The following PTPRT variants were observed in gnomAD, a reference collection of about 807,000 sequenced individuals.
PTPRT encodes protein tyrosine phosphatase receptor type T.
PTPRT carries 56 observed loss-of-function variants against 176.8 expected under a neutral mutation model. The observed-to-expected ratio is 0.32, with a 90% CI of 0.26 to 0.40. PTPRT has a LOEUF of 0.40. Ranked by LOEUF, PTPRT falls within the 10% of genes least tolerant of loss-of-function variation. The probability of loss-of-function intolerance (pLI) is 1.00; values close to 1 mark genes in which losing one functional copy is unlikely to be tolerated. For missense variants in PTPRT, 1,540 were observed against 1,908.2 expected (o/e 0.81, Z 3.60); for synonymous variants, 783 against 739.0 (o/e 1.06, Z -0.96).
intron 15 of PTPRT, among the ~76,000 whole-genome samples, chr20:42,213,564 G>A (rs891836145): frequency 1.3e-5 from 2 of 152,158 alleles, no homozygotes; most frequent in South Asian, 4.2e-4. Flanking sequence ...TTGGAAATAG[G>A]GTCTTTGCAG....
chr20:42,646,051 A>C (rs185832125), intron 7 of PTPRT, among the ~76,000 whole-genome samples: 12 of 152,024 alleles, frequency 7.9e-5, no homozygotes, highest in South Asian at 6.2e-4. Context: ...ACTGTAGTGT[A>C]CCTCCTAGAT....
At chr20:42,348,370 TTTTA>T (rs145685236) in intron 11 of PTPRT, among the ~76,000 whole-genome samples, 1,795 of 146,600 alleles carry the variant, frequency 0.012, 27 homozygotes, top group African/African-American at 0.037. Flanking sequence ...GTGACATTTC[TTTTA>T]TTTATTTATT....
chr20:42,385,616 G>A (rs1436122520), intron 9 of PTPRT, among the ~76,000 whole-genome samples: 1 of 152,146 alleles, frequency 6.6e-6, no homozygotes, highest in Non-Finnish European at 1.5e-5. Flanking sequence ...CCTGAGACTT[G>A]GTTATTTATA....
intron 2 of PTPRT, among the ~76,000 whole-genome samples, chr20:42,835,546 G>A (rs888728471): frequency 6.6e-6 from 1 of 152,222 alleles, no homozygotes; most frequent in East Asian, 1.9e-4. Flanking sequence ...GGTTGCCTCA[G>A]GGGGGCAGAG....
rs374219148 is a variant in PTPRT at position 43,020,060 on chromosome 20, C to T, written c.89-134128G>A. On this transcript the variant is annotated intron_variant, in intron 1 of 30. Coordinates refer to ENST00000373187, the MANE Select transcript of PTPRT (RefSeq NM_007050.6). ...ATTCCCCTAACAAATCCCCTCTCCT[C>T]TCCCTCTCTTTCTATATATATGTGA... is the stretch of plus-strand genomic sequence containing the variant. 6.4e-3 allele frequency among the ~76,000 whole-genome samples: 963 copies of T among 150,700 alleles called. 7 individuals are homozygous for T. Among genetic ancestry groups the T allele is most frequent in the African/African-American group, 0.023 (933 of 40,884 alleles).
At chr20:43,057,304 GGAAT>G (rs1333144616) in intron 1 of PTPRT, among the ~76,000 whole-genome samples, 1 of 86,234 alleles carries the variant, frequency 1.2e-5, no homozygotes, top group Non-Finnish European at 2.4e-5. Context: ...GAGGGGGGAA[GGAAT>G]GGAGGAGGAG....
chr20:42,145,497 C>CATAGATAGATAGATAGATAG lies in PTPRT; in HGVS notation c.2683-3515_2683-3496dup, dbSNP rs59838948. 9.6e-4 allele frequency among the ~76,000 whole-genome samples: 139 copies of CATAGATAGATAGATAGATAG among 144,560 alleles called. 2 individuals are homozygous for CATAGATAGATAGATAGATAG. Among genetic ancestry groups the CATAGATAGATAGATAGATAG allele is most frequent in the South Asian group, 1.9e-3 (8 of 4,292 alleles). The allele number at this position is 144,560 out of a possible 152,430, so 94.8% of individuals were successfully genotyped here. ...CCTGGGTGACAGTGAGACTTTGTCT[C>CATAGATAGATAGATAGATAG]ATAGATAGATAGATAGATAGATAGA... On this transcript the variant is annotated intron_variant, in intron 17 of 30. Transcript: ENST00000373187.
At position 42,098,432 on chromosome 20, in the gene PTPRT, C is replaced by T; in HGVS notation, c.3835G>A (p.Asp1279Asn). The change falls in exon 27 of 31, where the codon GAC becomes AAC. Residue 1279 changes from aspartate to asparagine, a missense_variant. Coordinates refer to ENST00000373187, the MANE Select transcript of PTPRT (RefSeq NM_007050.6). ...CSSVVMLNEM[D>N]TAQFCMQYWP... Reference sequence around the variant, plus strand: ...TGGCCTCCTCCTACCTGGGCAGTGTCCATCTCATTCAGCATCACCACAGAG... The same window carrying T: ...TGGCCTCCTCCTACCTGGGCAGTGTTCATCTCATTCAGCATCACCACAGAG... 1 of 1,614,102 alleles carries T rather than the reference C, an allele frequency of 6.2e-7. No individual in the cohort carries two copies. Among genetic ancestry groups the T allele is most frequent in the Non-Finnish European group, 8.5e-7 (1 of 1,180,002 alleles).
intron 7 of PTPRT, among the ~76,000 whole-genome samples, chr20:42,633,609 C>A (rs914302163): frequency 6.7e-6 from 1 of 149,844 alleles, no homozygotes; most frequent in African/African-American, 2.5e-5. Context: ...AGTGCAAAAC[C>A]TCATTGTCTT....
intron 9 of PTPRT, among the ~76,000 whole-genome samples, chr20:42,354,910 G>T (rs1178691450): frequency 6.6e-6 from 1 of 152,050 alleles, no homozygotes; most frequent in African/African-American, 2.4e-5. Context: ...GAGGAAAAAT[G>T]CAGGGAGCTG....
At chr20:42,598,451 C>T (rs1000535752) in intron 7 of PTPRT, among the ~76,000 whole-genome samples, 2 of 151,864 alleles carry the variant, frequency 1.3e-5, no homozygotes, top group African/African-American at 4.8e-5. Context: ...GAGTAGTGTA[C>T]AAAATAGTAT....
intron 6 of PTPRT, among the ~76,000 whole-genome samples, chr20:42,751,031 T>C (rs1045104032): frequency 6.6e-6 from 1 of 152,208 alleles, no homozygotes; most frequent in African/African-American, 2.4e-5. Flanking sequence ...GAGAATTTGA[T>C]ATTACCTACC....
intron 1 of PTPRT, among the ~76,000 whole-genome samples, chr20:43,157,350 T>G (rs1444576964): frequency 6.6e-6 from 1 of 151,938 alleles, no homozygotes; most frequent in Non-Finnish European, 1.5e-5. Context: ...GGTGGCAGAG[T>G]GAGACCGTGT....
At chr20:43,148,584 T>G (rs940732760) in intron 1 of PTPRT, among the ~76,000 whole-genome samples, 5 of 152,216 alleles carry the variant, frequency 3.3e-5, no homozygotes, top group African/African-American at 1.2e-4. Context: ...ACTTAAATTA[T>G]GCTCCACATA....
At chr20:42,323,042 A>C (rs1286179956) in intron 11 of PTPRT, among the ~76,000 whole-genome samples, 1 of 151,930 alleles carries the variant, frequency 6.6e-6, no homozygotes, top group Non-Finnish European at 1.5e-5. Context: ...GAGAAATGCA[A>C]ATCAAAACCA....
At chr20:43,136,830 T>A (rs2013847918) in intron 1 of PTPRT, among the ~76,000 whole-genome samples, 1 of 152,206 alleles carries the variant, frequency 6.6e-6, no homozygotes, top group East Asian at 1.9e-4. Context: ...CTATAACTGC[T>A]TCTGAATTCC....
At chr20:42,661,409 G>A (rs944029523) in intron 7 of PTPRT, among the ~76,000 whole-genome samples, 1 of 151,866 alleles carries the variant, frequency 6.6e-6, no homozygotes, top group East Asian at 1.9e-4. Flanking sequence ...ATATTTAATT[G>A]GAATATGAAA....
At chr20:43,184,637 A>C (rs1218175171) in intron 1 of PTPRT, among the ~76,000 whole-genome samples, 1 of 151,904 alleles carries the variant, frequency 6.6e-6, no homozygotes, top group African/African-American at 2.4e-5. Flanking sequence ...CAGTGAGCTG[A>C]GATCACGCCA....
chr20:42,057,328 G>A, the PTPRT span, among the ~76,000 whole-genome samples: 3 of 152,092 alleles, frequency 2.0e-5, no homozygotes, highest in East Asian at 3.9e-4. Flanking sequence ...GATGATACAT[G>A]TTATTGGCGG....
Sources: allele counts gnomAD v4.1 joint callset (sites outside exome capture counted in the v4.1 genomes callset), GRCh38; gene constraint gnomAD v4.1.1; transcripts MANE v1.5; gene names NCBI Gene and HGNC (gene_info 2026-07-23, HGNC 2026-07-21).